Variants in HPSE2 observed in about 807,000 individuals in gnomAD.
HPSE2 encodes the protein inactive heparanase-2.
Under a neutral mutation model 60.5 loss-of-function variants are expected in HPSE2, and 38 were observed. The ratio of observed to expected loss-of-function variants is 0.63; its 90% CI spans 0.48 to 0.82. The LOEUF (loss-of-function observed/expected upper bound fraction) is 0.82. Ranked by LOEUF, HPSE2 falls within the 40% of genes least tolerant of loss-of-function variation. HPSE2 has a pLI of 0.00. For synonymous variants in HPSE2, 295 were observed against 293.2 expected, an observed-to-expected ratio of 1.01 and a Z score of -0.06; for missense variants, 713 against 740.4, an observed-to-expected ratio of 0.96 and a Z score of 0.43.
At chr10:99,249,934 G>C in the HPSE2 span, among the ~76,000 whole-genome samples, 1 of 151,990 alleles carries the variant, frequency 6.6e-6, no homozygotes, top group Non-Finnish European at 1.5e-5. Flanking sequence ...ATGAGGTCAG[G>C]AGTTCGAGAC....
At chr10:99,182,281 G>T (rs1211741718) in intron 2 of HPSE2, among the ~76,000 whole-genome samples, 1 of 152,098 alleles carries the variant, frequency 6.6e-6, no homozygotes, top group Admixed American at 6.6e-5. Flanking sequence ...AAGGTCAGAG[G>T]CCAACTAATC....
In HPSE2 at chr10:98,643,302, C is replaced by T. The variant is rs536076667; in HGVS notation, c.1005-1362G>A. Among the ~76,000 whole-genome samples the T allele has an allele frequency of 2.6e-5, 4 of 152,250 alleles. No homozygotes were observed. In the South Asian group the frequency reaches 8.3e-4, roughly 32 times the overall value. ...CTCCTCAGGCTTGAGAATTAATGAG[C>T]TAACAGATGTAAAGTTCCTGGCATA... On this transcript the variant is annotated intron_variant, in intron 6 of 11. Coordinates refer to ENST00000370552, the MANE Select transcript of HPSE2 (RefSeq NM_021828.5).
intron 2 of HPSE2, among the ~76,000 whole-genome samples, chr10:99,221,767 T>C (rs1849321108): frequency 6.6e-6 from 1 of 152,136 alleles, no homozygotes; most frequent in South Asian, 2.1e-4. Context: ...TACCATCTGC[T>C]TGTAAATAAA....
At chr10:98,713,014 A>G (rs1948711102) in intron 5 of HPSE2, among the ~76,000 whole-genome samples, 1 of 152,096 alleles carries the variant, frequency 6.6e-6, no homozygotes. Flanking sequence ...ATAGCCTGTT[A>G]GTTTAGATAG....
At chr10:98,572,184 G>A (rs181405063) in intron 9 of HPSE2, among the ~76,000 whole-genome samples, 95 of 152,108 alleles carry the variant, frequency 6.2e-4, no homozygotes, top group African/African-American at 2.1e-3. Context: ...CAGGTGATCT[G>A]CCCACCTCAG....
intron 9 of HPSE2, among the ~76,000 whole-genome samples, chr10:98,600,873 ATG>A (rs1945386008): frequency 9.5e-6 from 1 of 105,190 alleles, no homozygotes; most frequent in Admixed American, 1.2e-4. Flanking sequence ...ATACGTATAT[ATG>A]TATATATACA....
intron 3 of HPSE2, among the ~76,000 whole-genome samples, chr10:99,004,079 T>C (rs997987662): frequency 6.6e-6 from 1 of 152,132 alleles, no homozygotes; most frequent in African/African-American, 2.4e-5. Flanking sequence ...CATTTGTTTG[T>C]TTCCATTTGA....
chr10:98,925,308 C>G (rs1393103860), intron 3 of HPSE2, among the ~76,000 whole-genome samples: 1 of 151,928 alleles, frequency 6.6e-6, no homozygotes, highest in East Asian at 1.9e-4. Context: ...AGGCTTCTAT[C>G]CCAACCATCT....
intron 9 of HPSE2, among the ~76,000 whole-genome samples, chr10:98,496,719 T>G (rs1941851576): frequency 6.6e-6 from 1 of 152,258 alleles, no homozygotes; most frequent in African/African-American, 2.4e-5. Context: ...AATTGTTGTC[T>G]GAGTGAAGAG....
At chr10:99,017,250 T>C (rs908540017) in intron 3 of HPSE2, among the ~76,000 whole-genome samples, 1 of 152,332 alleles carries the variant, frequency 6.6e-6, no homozygotes, top group South Asian at 2.1e-4. Flanking sequence ...TGTTGAATTG[T>C]ATGGAAATCC....
intron 3 of HPSE2, among the ~76,000 whole-genome samples, chr10:98,795,019 AGAAG>A (rs562332918): frequency 0.14 from 7,767 of 55,986 alleles, 414 homozygotes; most frequent in Middle Eastern, 0.23. Context: ...AGAGAGAGAG[AGAAG>A]GAAGGAAGGA....
chr10:99,146,021 G>T (rs1846040665), intron 2 of HPSE2, among the ~76,000 whole-genome samples: 1 of 151,976 alleles, frequency 6.6e-6, no homozygotes. Context: ...CTTGAATATG[G>T]GTAATAAAAT....
intron 2 of HPSE2, among the ~76,000 whole-genome samples, chr10:99,211,542 G>A (rs180886985): frequency 8.5e-5 from 13 of 152,064 alleles, no homozygotes; most frequent in African/African-American, 1.9e-4. Context: ...GAACCGAGAC[G>A]CCAGAAATGG....
intron 3 of HPSE2, among the ~76,000 whole-genome samples, chr10:98,904,056 CAT>C (rs1953740249): frequency 6.6e-6 from 1 of 152,104 alleles, no homozygotes; most frequent in Non-Finnish European, 1.5e-5. Flanking sequence ...TAAATGTAAA[CAT>C]GTCTACAAAA....
At chr10:99,050,985 T>C (rs1957978226) in intron 3 of HPSE2, among the ~76,000 whole-genome samples, 1 of 151,974 alleles carries the variant, frequency 6.6e-6, no homozygotes, top group South Asian at 2.1e-4. Context: ...GGAAAAAATA[T>C]CATACCATCA....
chr10:99,088,394 T>C (rs1365159399), intron 3 of HPSE2, among the ~76,000 whole-genome samples: 8 of 152,250 alleles, frequency 5.3e-5, no homozygotes, highest in Non-Finnish European at 7.4e-5. Context: ...CAAAGTCCAT[T>C]GTATCATTCT....
At chr10:98,585,595 A>G (rs2133931219) in intron 9 of HPSE2, among the ~76,000 whole-genome samples, 1 of 151,944 alleles carries the variant, frequency 6.6e-6, no homozygotes, top group South Asian at 2.1e-4. Context: ...TCAAAGGAAC[A>G]GTCACCTAAT....
At chr10:99,186,412 A>G (rs1222829177) in intron 2 of HPSE2, among the ~76,000 whole-genome samples, 1 of 151,732 alleles carries the variant, frequency 6.6e-6, no homozygotes, top group Non-Finnish European at 1.5e-5. Flanking sequence ...GCGTGGTGTC[A>G]GGTGCCTGTA....
intron 3 of HPSE2, among the ~76,000 whole-genome samples, chr10:98,914,729 G>A (rs1954070886): frequency 2.0e-5 from 3 of 151,024 alleles, no homozygotes; most frequent in African/African-American, 7.3e-5. Context: ...AAGTTACCCA[G>A]GTCCTATGAA....
Sources: allele counts gnomAD v4.1 joint callset (sites outside exome capture counted in the v4.1 genomes callset), GRCh38; gene constraint gnomAD v4.1.1; transcripts MANE v1.5; gene names NCBI Gene and HGNC (gene_info 2026-07-23, HGNC 2026-07-21).